Variants in STT3B observed in about 807,000 individuals in gnomAD.
STT3B encodes the protein STT3 oligosaccharyltransferase complex catalytic subunit B.
A neutral mutation model predicts 96.8 loss-of-function variants in STT3B; 29 were observed. The ratio of observed to expected loss-of-function variants is 0.30; its 90% CI spans 0.22 to 0.41. The LOEUF (loss-of-function observed/expected upper bound fraction) is 0.41. Ranked by LOEUF, STT3B falls within the 10% of genes least tolerant of loss-of-function variation. The pLI is 1.00. For missense variants in STT3B, 640 were observed against 1,022.3 expected (o/e 0.63, Z 5.10); for synonymous variants, 367 against 360.0 (o/e 1.02, Z -0.22).
intron 1 of STT3B, among the ~76,000 whole-genome samples, chr3:31,549,513 G>A (rs1697499513): frequency 6.6e-6 from 1 of 151,250 alleles, no homozygotes. Flanking sequence ...CAACCACTTT[G>A]GCTCTTTCAT....
At chr3:31,610,196 A>G (rs1034538386) in intron 5 of STT3B, among the ~76,000 whole-genome samples, 1 of 152,204 alleles carries the variant, frequency 6.6e-6, no homozygotes, top group Non-Finnish European at 1.5e-5. Flanking sequence ...AGTGATTACA[A>G]AGAAATAAAA....
chr3:31,561,096 G>T (rs192718128), intron 1 of STT3B, among the ~76,000 whole-genome samples: 132 of 151,200 alleles, frequency 8.7e-4, no homozygotes, highest in African/African-American at 3.1e-3. Flanking sequence ...ATTTCTGTTT[G>T]GTTCTTTTTT....
chr3:31,568,398 T>C (rs1698057735), intron 1 of STT3B, among the ~76,000 whole-genome samples: 1 of 152,198 alleles, frequency 6.6e-6, no homozygotes, highest in East Asian at 1.9e-4. Flanking sequence ...TGCTGGATTA[T>C]ATGGTAGTTC....
intron 1 of STT3B, among the ~76,000 whole-genome samples, chr3:31,565,597 G>C (rs1697985489): frequency 6.6e-6 from 1 of 152,184 alleles, no homozygotes; most frequent in African/African-American, 2.4e-5. Flanking sequence ...TATGAGAAAG[G>C]TGCCAAAAAG....
chr3:31,600,284 G>A, intron 4 of STT3B, 76 bp from the exon 5 acceptor site: 1 of 582,180 alleles, frequency 1.7e-6, no homozygotes, highest in Non-Finnish European at 2.9e-6. Context: ...TTTGCTCATT[G>A]TATGTTTAGA....
intron 1 of STT3B, among the ~76,000 whole-genome samples, chr3:31,534,319 A>G (rs1454525968): frequency 6.6e-6 from 1 of 152,234 alleles, no homozygotes; most frequent in Non-Finnish European, 1.5e-5. Context: ...TAACTTAGAC[A>G]CTACATTGGT....
chr3:31,613,403 A>T (rs1241006159), intron 5 of STT3B, among the ~76,000 whole-genome samples: 2 of 152,058 alleles, frequency 1.3e-5, no homozygotes, highest in African/African-American at 4.8e-5. Flanking sequence ...AAATGACATA[A>T]GGTTTTCTCA....
At chr3:31,612,979 A>G (rs1305639915) in intron 5 of STT3B, among the ~76,000 whole-genome samples, 1 of 152,168 alleles carries the variant, frequency 6.6e-6, no homozygotes. Context: ...CAAAAACAAC[A>G]TCTATTACCT....
chr3:31,552,900 G>A (rs1227737849), intron 1 of STT3B, among the ~76,000 whole-genome samples: 3 of 151,980 alleles, frequency 2.0e-5, no homozygotes, highest in East Asian at 1.9e-4. Flanking sequence ...TCAGGAGATC[G>A]AGACCATCCT....
intron 1 of STT3B, among the ~76,000 whole-genome samples, chr3:31,541,438 A>T (rs1441052690): frequency 7.0e-6 from 1 of 143,518 alleles, no homozygotes; most frequent in Non-Finnish European, 1.5e-5. Context: ...GATAAATGGA[A>T]TTGTGGCTTT....
intron 8 of STT3B, 43 bp downstream of exon 8, chr3:31,618,031 C>G (rs747974111): frequency 3.9e-6 from 5 of 1,297,486 alleles, no homozygotes; most frequent in East Asian, 2.3e-5. Flanking sequence ...TATTGAAATA[C>G]TGCTTTTCCT....
intron 1 of STT3B, among the ~76,000 whole-genome samples, chr3:31,569,146 C>G (rs961951721): frequency 6.6e-6 from 1 of 151,998 alleles, no homozygotes; most frequent in Non-Finnish European, 1.5e-5. Context: ...AGTTGTTGGA[C>G]TACAGGCATG....
intron 14 of STT3B, 25 bp from the exon 15 acceptor site, chr3:31,632,910 C>T: frequency 6.2e-7 from 1 of 1,602,602 alleles, no homozygotes; most frequent in Non-Finnish European, 8.5e-7. Context: ...ATGGTTAACA[C>T]CCAATAATAA....
chr3:31,533,552 G>T (rs574296385), intron 1 of STT3B: 1 of 385,170 alleles, frequency 2.6e-6, no homozygotes, highest in Non-Finnish European at 4.2e-6. Flanking sequence ...ATTCTCGGCC[G>T]GGCTAGTGTG....
At chr3:31,612,409 G>A (rs1699202621) in intron 5 of STT3B, among the ~76,000 whole-genome samples, 1 of 152,196 alleles carries the variant, frequency 6.6e-6, no homozygotes, top group Non-Finnish European at 1.5e-5. Flanking sequence ...TACCATTGGT[G>A]CTGGTAAGTG....
At chr3:31,631,972 C>T (rs1256817410) in intron 14 of STT3B, among the ~76,000 whole-genome samples, 1 of 152,094 alleles carries the variant, frequency 6.6e-6, no homozygotes, top group African/African-American at 2.4e-5. Context: ...CCTCCCACCT[C>T]AGCCTCCTGA....
rs1699476659 is a variant in STT3B at position 31,623,724 on chromosome 3, A to C, written c.1590A>C (p.Gly530=). Residue 530 remains glycine, a synonymous_variant, in exon 11 of 16, where the codon GGA becomes GGC. Transcript: ENST00000295770. ...CTGAACAGGAAAAAACTGAAGAGGG[A>C]TTAGGCCCTAATATAAAAAGCATTG... ...HATEQEKTEE[G]LGPNIKSIVT... 3 of 1,613,800 alleles carry C rather than the reference A, an allele frequency of 1.9e-6. No homozygotes were observed. The highest frequency in any genetic ancestry group is 1.3e-5 in the African/African-American group (1 of 74,908).
At chr3:31,602,823 C>G (rs939275033) in intron 5 of STT3B, among the ~76,000 whole-genome samples, 3 of 151,832 alleles carry the variant, frequency 2.0e-5, no homozygotes, top group Admixed American at 2.0e-4. Flanking sequence ...TCCACTCTAC[C>G]CAACTTGTTT....
At chr3:31,627,225 C>T (rs572788143) in intron 13 of STT3B, among the ~76,000 whole-genome samples, 5 of 152,200 alleles carry the variant, frequency 3.3e-5, no homozygotes, top group East Asian at 3.9e-4. Context: ...GCCTGAGCTC[C>T]GCCTCCTATC....
Sources: allele counts gnomAD v4.1 joint callset (sites outside exome capture counted in the v4.1 genomes callset), GRCh38; gene constraint gnomAD v4.1.1; transcripts MANE v1.5; gene names NCBI Gene and HGNC (gene_info 2026-07-23, HGNC 2026-07-21).